SLC16A2: variants seen among roughly 807,000 people sequenced by gnomAD.
SLC16A2 encodes solute carrier family 16 member 2.
SLC16A2 carries 3 observed loss-of-function variants against 27.2 expected under a neutral mutation model. That is an observed-to-expected ratio of 0.11 (90% CI 0.05 to 0.28). The LOEUF (loss-of-function observed/expected upper bound fraction) is 0.28, where lower values mean the gene tolerates loss of function less well. Ranked by LOEUF, SLC16A2 falls within the 10% of genes least tolerant of loss-of-function variation. The pLI is 1.00. For missense variants in SLC16A2, 295 were observed against 458.5 expected (o/e 0.64, Z 3.26); for synonymous variants, 202 against 187.8 (o/e 1.08, Z -0.62).
At position 74,427,372 on chromosome X, in the gene SLC16A2, C is replaced by T. The variant is rs746423458; in HGVS notation, c.430+5305C>T. Among the ~76,000 whole-genome samples, 3 of 111,328 alleles carry T rather than the reference C, an allele frequency of 2.7e-5. No homozygotes were observed. In the East Asian group the frequency reaches 8.5e-4, roughly 32 times the overall value. The stretch of plus-strand genomic sequence containing the variant: ...TTGCTACTGTGATCCTGGAGAAGGC[C>T]CATTAGATGCCCACAATCCCTGGTC... On this transcript the variant is annotated intron_variant, in intron 1 of 5. Coordinates refer to ENST00000587091, the MANE Select transcript of SLC16A2 (RefSeq NM_006517.5).
chrX:74,433,442 C>T (rs12855503), intron 1 of SLC16A2, among the ~76,000 whole-genome samples: 1 of 110,185 alleles, frequency 9.1e-6, no homozygotes, highest in Non-Finnish European at 1.9e-5. Context: ...GGCTTGGGGT[C>T]TTAATGATCC....
chrX:74,444,406 T>C (rs1464800740), intron 1 of SLC16A2, among the ~76,000 whole-genome samples: 1 of 107,463 alleles, frequency 9.3e-6, no homozygotes, highest in Non-Finnish European at 1.9e-5. Context: ...CCCTCTTCAA[T>C]CCTGGCTGTC....
chrX:74,450,270 T>C (rs190731100), intron 1 of SLC16A2, among the ~76,000 whole-genome samples: 1 of 112,316 alleles, frequency 8.9e-6, no homozygotes, highest in African/African-American at 3.2e-5. Flanking sequence ...ATTTGTTGAA[T>C]GAATAATGGC....
At chrX:74,512,118 C>T (rs1384741129) in intron 1 of SLC16A2, among the ~76,000 whole-genome samples, 1 of 112,278 alleles carries the variant, frequency 8.9e-6, no homozygotes, top group Non-Finnish European at 1.9e-5. Context: ...CATAAGTCAT[C>T]ACAGTCCTAA....
chrX:74,455,548 T>C (rs181415857), intron 1 of SLC16A2, among the ~76,000 whole-genome samples: 1 of 111,311 alleles, frequency 9.0e-6, no homozygotes, highest in Non-Finnish European at 1.9e-5. Context: ...AGGGTCAGCC[T>C]TGGTAAGTGT....
chrX:74,452,166 C>A (rs1928955930), intron 1 of SLC16A2, among the ~76,000 whole-genome samples: 1 of 112,440 alleles, frequency 8.9e-6, no homozygotes, highest in Non-Finnish European at 1.9e-5. Context: ...CAGCCAGTTT[C>A]CACCACACTT....
At chrX:74,530,699 C>G (rs1490501507) in intron 5 of SLC16A2, among the ~76,000 whole-genome samples, 1 of 111,301 alleles carries the variant, frequency 9.0e-6, no homozygotes, top group Non-Finnish European at 1.9e-5. Flanking sequence ...GGCCTTTTTG[C>G]CTTTTCTGAA....
At chrX:74,488,768 A>G (rs1929769495) in intron 1 of SLC16A2, among the ~76,000 whole-genome samples, 2 of 111,755 alleles carry the variant, frequency 1.8e-5, no homozygotes, top group African/African-American at 6.5e-5. Context: ...TCTTTCTTAT[A>G]TAAAATTACT....
intron 1 of SLC16A2, among the ~76,000 whole-genome samples, chrX:74,510,196 G>A (rs1337015556): frequency 7.2e-5 from 8 of 111,322 alleles, no homozygotes. Context: ...ATCTTTTTAT[G>A]TTAGATATGT....
chrX:74,530,236 G>A (rs187358189), intron 5 of SLC16A2, among the ~76,000 whole-genome samples: 33 of 108,856 alleles, frequency 3.0e-4, no homozygotes, highest in African/African-American at 1.1e-3. Flanking sequence ...GAGTAGCTGG[G>A]AGTACAGGTG....
intron 1 of SLC16A2, among the ~76,000 whole-genome samples, chrX:74,463,812 C>A (rs1008242995): frequency 8.9e-6 from 1 of 112,390 alleles, no homozygotes; most frequent in African/African-American, 3.2e-5. Context: ...CAGGCGTGAG[C>A]CACCGTGCCC....
chrX:74,531,265 A>G, intron 5 of SLC16A2, 68 bp from the exon 6 acceptor site: 1 of 947,454 alleles, frequency 1.1e-6, no homozygotes, highest in Non-Finnish European at 1.5e-6. Flanking sequence ...GGCCCCTAGA[A>G]CGGGCTGAGA....
chrX:74,485,298 A>G (rs1201977007), intron 1 of SLC16A2, among the ~76,000 whole-genome samples: 1 of 110,610 alleles, frequency 9.0e-6, no homozygotes, highest in African/African-American at 3.3e-5. Flanking sequence ...TTTAACTTCT[A>G]TGTGTTGAGC....
At chrX:74,449,262 C>T (rs1272850568) in intron 1 of SLC16A2, among the ~76,000 whole-genome samples, 2 of 111,938 alleles carry the variant, frequency 1.8e-5, no homozygotes, top group Non-Finnish European at 3.8e-5. Context: ...GCCTCCATTT[C>T]TGCACCTGTG....
intron 1 of SLC16A2, among the ~76,000 whole-genome samples, chrX:74,464,217 G>A (rs1467819634): frequency 8.9e-6 from 1 of 112,087 alleles, no homozygotes; most frequent in Non-Finnish European, 1.9e-5. Flanking sequence ...GTTTGGGGCT[G>A]TCAAATAAAG....
intron 1 of SLC16A2, among the ~76,000 whole-genome samples, chrX:74,451,349 T>C (rs1928937038): frequency 8.9e-6 from 1 of 112,108 alleles, no homozygotes; most frequent in Non-Finnish European, 1.9e-5. Context: ...TTTGAGAAGC[T>C]GGTTACTCAT....
chrX:74,520,631 G>A (rs1930390232), intron 1 of SLC16A2, among the ~76,000 whole-genome samples: 1 of 111,476 alleles, frequency 9.0e-6, no homozygotes, highest in Non-Finnish European at 1.9e-5. Flanking sequence ...TAGTCTTATC[G>A]TCTTCACAGG....
intron 1 of SLC16A2, among the ~76,000 whole-genome samples, chrX:74,519,759 A>C (rs1930379019): frequency 9.4e-6 from 1 of 105,997 alleles, no homozygotes; most frequent in Non-Finnish European, 2.0e-5. Context: ...AAGAAAAAGA[A>C]AAAGAAATGT....
intron 1 of SLC16A2, among the ~76,000 whole-genome samples, chrX:74,430,788 C>T (rs1420133580): frequency 8.9e-6 from 1 of 112,698 alleles, no homozygotes; most frequent in Non-Finnish European, 1.9e-5. Flanking sequence ...GTCACCCAGG[C>T]TGGAGTGCAG....
Sources: allele counts gnomAD v4.1 joint callset (sites outside exome capture counted in the v4.1 genomes callset), GRCh38; gene constraint gnomAD v4.1.1; transcripts MANE v1.5; gene names NCBI Gene and HGNC (gene_info 2026-07-23, HGNC 2026-07-21).